The following NAIP variants were observed in gnomAD, a reference collection of about 807,000 sequenced individuals.
NAIP encodes the protein NLR family apoptosis inhibitory protein.
Under a neutral mutation model 23.0 loss-of-function variants are expected in NAIP, and 15 were observed. The ratio of observed to expected loss-of-function variants is 0.65; its 90% CI spans 0.44 to 1.00. The LOEUF is 1.00. Among genes scored for constraint, NAIP ranks in the 50% least tolerant of loss-of-function variants. The probability of loss-of-function intolerance (pLI) is 0.00; values close to 1 mark genes in which losing one functional copy is unlikely to be tolerated. For synonymous variants in NAIP, 100 were observed against 100.2 expected (o/e 1.00, Z 0.01); for missense variants, 265 against 278.8 (o/e 0.95, Z 0.35).
At position 71,012,370 on chromosome 5, in the gene NAIP, T is replaced by C. The variant is rs777966963; in HGVS notation, c.546A>G (p.Ser182=). ...TACCTGTAAAGACAAAGCCAGCCTC[T>C]GAGAGCACACAAGGGGATATCCCTT... is the stretch of plus-strand genomic sequence containing the variant. ...YVQGISPCVL[S]EAGFVFTGKQ... is the part of the protein sequence containing the mutation. The change falls in exon 4 of 17, where the codon TCA becomes TCG. Residue 182 remains serine, a synonymous_variant. Transcript: ENST00000517649. 6.2e-7 allele frequency: 1 copy of C among 1,609,240 alleles called. No individual in the cohort carries two copies. The highest frequency in any genetic ancestry group is 1.1e-5 in the South Asian group (1 of 90,668).
At chr5:71,011,632 T>C (rs1457016280) in intron 4 of NAIP, 2 of 534,354 alleles carry the variant, frequency 3.7e-6, no homozygotes, top group East Asian at 3.2e-5. Flanking sequence ...ATGTTGCTCT[T>C]TGAGTTCTCA....
chr5:70,981,050 T>G, intron 12 of NAIP, among the ~76,000 whole-genome samples: 1 of 142,386 alleles, frequency 7.0e-6, no homozygotes, highest in Non-Finnish European at 1.5e-5. Context: ...GAAAAGATAC[T>G]TAACATCATT....
chr5:71,015,152 G>A (rs1311271537), intron 3 of NAIP, among the ~76,000 whole-genome samples: 1 of 151,582 alleles, frequency 6.6e-6, no homozygotes, highest in African/African-American at 2.4e-5. Flanking sequence ...CAAGGTGGGA[G>A]GATTGTTTGT....
Position 71,012,743 on chromosome 5 carries a change from C to A in NAIP, c.173G>T (p.Arg58Leu). The A allele has an allele frequency of 3.1e-6, 5 of 1,611,868 alleles. No individual in the cohort carries two copies. The highest frequency in any genetic ancestry group is 4.2e-6 in the Non-Finnish European group (5 of 1,178,468). Residue 58 changes from arginine (R) to leucine (L), a missense_variant, in exon 4 of 17, where the codon CGC becomes CTC. Coordinates refer to ENST00000517649, the MANE Select transcript of NAIP (RefSeq NM_004536.3). ...AGTCTTTAACCTTTTTGCTTCACTGCGCATTTGAGAGTTGTAGCCTTTCTG... is the reference window on the plus strand; with the variant it reads ...AGTCTTTAACCTTTTTGCTTCACTGAGCATTTGAGAGTTGTAGCCTTTCTG... ...KMQKGYNSQMRSEAKRLKTFV... is the reference protein window; with the variant it reads ...KMQKGYNSQMLSEAKRLKTFV...
chr5:71,008,873 G>A (rs2112913585), intron 5 of NAIP, among the ~76,000 whole-genome samples: 2 of 133,756 alleles, frequency 1.5e-5, no homozygotes, highest in African/African-American at 3.2e-5. Flanking sequence ...AGATCCAAGT[G>A]TCAGGTTCCT....
intron 5 of NAIP, among the ~76,000 whole-genome samples, chr5:71,010,555 C>T (rs1275275144): frequency 6.6e-6 from 1 of 151,414 alleles, no homozygotes; most frequent in African/African-American, 2.4e-5. Flanking sequence ...GTGTGAGCCA[C>T]CGCGCCTGGC....
chr5:71,008,121 G>A (rs1750957528), intron 5 of NAIP, among the ~76,000 whole-genome samples: 1 of 139,392 alleles, frequency 7.2e-6, no homozygotes, highest in South Asian at 2.3e-4. Flanking sequence ...CCAGGCTGGA[G>A]TGCAGTGGTG....
intron 4 of NAIP, chr5:71,011,597 G>A: frequency 1.8e-6 from 1 of 548,506 alleles, no homozygotes; most frequent in South Asian, 2.5e-5. Context: ...TCAATATCCT[G>A]CCCCAGCTGC....
intron 13 of NAIP, among the ~76,000 whole-genome samples, chr5:70,977,692 GAAT>G (rs1750327260): frequency 1.2e-5 from 1 of 81,606 alleles, no homozygotes; most frequent in Non-Finnish European, 2.6e-5. Flanking sequence ...AAAAAAAAAA[GAAT>G]ACTATACAAA....
At chr5:70,979,586 ATAAT>A (rs1414860875) in intron 13 of NAIP, among the ~76,000 whole-genome samples, 382 of 35,536 alleles carry the variant, frequency 0.011, 3 homozygotes, top group East Asian at 0.033. Flanking sequence ...AAAAAAAAAA[ATAAT>A]AATAATAATA....
chr5:71,012,854 G>A lies in NAIP; in HGVS notation c.62C>T (p.Pro21Leu), dbSNP rs1751230699. ...RISQFDHNLL[P>L]ELSALLGLDA... The stretch of plus-strand genomic sequence containing the variant: ...TAGGCCCAGAAGAGCAGACAGCTCT[G>A]GCAGCAAATTGTGATCAAACTGGGA... The change falls in exon 4 of 17, where the codon CCA becomes CTA. Residue 21 changes from proline (P) to leucine (L), a missense_variant. This residue lies in a region of NAIP where 261 missense variants were observed against 259.2 expected (regional missense o/e 1.01). Transcript: ENST00000517649. The A allele has an allele frequency of 6.2e-7, 1 of 1,610,066 alleles. No homozygotes were observed. The highest frequency in any genetic ancestry group is 1.3e-5 in the African/African-American group (1 of 74,634).
intron 3 of NAIP, among the ~76,000 whole-genome samples, chr5:71,014,336 G>C (rs1331844668): frequency 6.6e-6 from 1 of 151,238 alleles, no homozygotes; most frequent in Non-Finnish European, 1.5e-5. Flanking sequence ...GACCTCAAGT[G>C]ATCCGCCTGC....
In NAIP at chr5:71,011,927, G is replaced by A. The variant is rs371036051; in HGVS notation, c.568+421C>T. 3.5e-5 allele frequency: 9 copies of A among 254,974 alleles called. No individual in the cohort carries two copies. In the East Asian group the frequency reaches 5.2e-4, roughly 15 times the overall value. 15.8% of individuals were successfully genotyped at this position (254,974 alleles called of 1,614,324 possible). A position where few individuals can be genotyped will look rare whatever the true frequency, so the allele number is the denominator to read the frequency against. ...TGATTTATATATCATAACCCCTATG[G>A]CGGGGCTAGGACAAACAAACAAAAC... On this transcript the variant is annotated intron_variant, in intron 4 of 16. Transcript: ENST00000517649.
intron 13 of NAIP, among the ~76,000 whole-genome samples, chr5:70,978,149 AT>A (rs71223138): frequency 4.5e-3 from 109 of 24,274 alleles, no homozygotes; most frequent in African/African-American, 6.4e-3. Flanking sequence ...ATATATATAT[AT>A]TTTTTTTTTT....
At chr5:71,013,777 G>C (rs1751291421) in intron 3 of NAIP, among the ~76,000 whole-genome samples, 1 of 151,360 alleles carries the variant, frequency 6.6e-6, no homozygotes, top group South Asian at 2.1e-4. Flanking sequence ...CACGGGCTTT[G>C]GTAAGAAGCT....
chr5:70,977,396 GC>G (rs1368501723), intron 13 of NAIP, among the ~76,000 whole-genome samples: 5 of 146,010 alleles, frequency 3.4e-5, no homozygotes, highest in Admixed American at 6.7e-5. Context: ...AGGTGCTGTG[GC>G]TCATGCCTGT....
rs1443146483 is a variant in NAIP, at chr5:70,979,591, AAT to A, written c.3442+276_3442+277del. 5.5e-5 allele frequency among the ~76,000 whole-genome samples: 2 copies of A among 36,500 alleles called. 1 individual carries two copies. Among genetic ancestry groups the A allele is most frequent in the Non-Finnish European group, 1.1e-4 (2 of 17,960 alleles). 23.9% of individuals were successfully genotyped at this position (36,500 alleles called of 152,430 possible). On this transcript the variant is annotated intron_variant, in intron 13 of 16. Coordinates refer to ENST00000517649, the MANE Select transcript of NAIP (RefSeq NM_004536.3). ...CTGTCTCAAAAAAAAAAAAAATAATAATAATAATAATAATAATAATAGTACTT... is the reference window on the plus strand; with the variant it reads ...CTGTCTCAAAAAAAAAAAAAATAATAAATAATAATAATAATAATAGTACTT...
intron 4 of NAIP, chr5:71,011,795 T>C: frequency 2.3e-6 from 1 of 442,934 alleles, no homozygotes; most frequent in Admixed American, 2.6e-5. Flanking sequence ...AGCTGTGAAA[T>C]GGGAGAGAAA....
In NAIP at chr5:71,013,607, T is replaced by C. The variant is rs1175869732; in HGVS notation, c.-3-689A>G. 5.1e-4 allele frequency among the ~76,000 whole-genome samples: 71 copies of C among 139,220 alleles called. 1 individual carries two copies. The Middle Eastern group carries it at 0.013, about 25-fold the overall frequency. 91.3% of individuals were successfully genotyped at this position (139,220 alleles called of 152,430 possible). A position where few individuals can be genotyped will look rare whatever the true frequency, so the allele number is the denominator to read the frequency against. On this transcript the variant is annotated intron_variant, in intron 3 of 16. Transcript: ENST00000517649. The stretch of plus-strand genomic sequence containing the variant: ...GCGAGCCGAGATCGCGCCACGGTAC[T>C]CCAGCCTGGGTGACAGAGCAAGACT...
Sources: gnomAD v4.1 joint callset for allele counts (sites outside exome capture counted in the v4.1 genomes callset) on GRCh38, gnomAD v4.1.1 for gene constraint, gnomAD v4.1.1 regional missense constraint, MANE v1.5 for transcripts, NCBI Gene and HGNC (gene_info 2026-07-23, HGNC 2026-07-21) for gene names.